Variants in ZCCHC7 observed in about 807,000 individuals in gnomAD.
ZCCHC7 encodes zinc finger CCHC-type containing 7.
ZCCHC7 carries 35 observed loss-of-function variants against 52.0 expected under a neutral mutation model. That is an observed-to-expected ratio of 0.67 (90% CI 0.51 to 0.89). The LOEUF is 0.89. Among genes scored for constraint, ZCCHC7 ranks in the 40% least tolerant of loss-of-function variants. The pLI, the probability that ZCCHC7 is intolerant of heterozygous loss-of-function variation, is 0.00. For synonymous variants in ZCCHC7, 217 were observed against 221.5 expected (o/e 0.98, Z 0.18); for missense variants, 574 against 649.1 (o/e 0.88, Z 1.26).
intron 2 of ZCCHC7, among the ~76,000 whole-genome samples, chr9:37,182,404 G>C (rs955335581): frequency 1.4e-5 from 2 of 147,940 alleles, no homozygotes; most frequent in African/African-American, 5.0e-5. Flanking sequence ...TAGGCTGGAT[G>C]TAGTTTCGCT....
chr9:37,250,336 C>G (rs1395303588), intron 2 of ZCCHC7, among the ~76,000 whole-genome samples: 1 of 134,684 alleles, frequency 7.4e-6, no homozygotes, highest in Non-Finnish European at 1.6e-5. Context: ...AGTTTTTGCT[C>G]TGTTGTCCAG....
intron 2 of ZCCHC7, among the ~76,000 whole-genome samples, chr9:37,244,083 C>G (rs1825984522): frequency 2.0e-5 from 3 of 151,636 alleles, no homozygotes; most frequent in South Asian, 2.1e-4. Flanking sequence ...TCCTAGTGGT[C>G]CTTTGTAATG....
intron 2 of ZCCHC7, among the ~76,000 whole-genome samples, chr9:37,241,306 C>A (rs1332542698): frequency 6.6e-6 from 1 of 151,760 alleles, no homozygotes; most frequent in Non-Finnish European, 1.5e-5. Flanking sequence ...AAAGCTATTT[C>A]TGACTTAAAC....
intron 6 of ZCCHC7, among the ~76,000 whole-genome samples, chr9:37,340,586 G>A (rs1367772935): frequency 6.6e-6 from 1 of 152,118 alleles, no homozygotes. Context: ...ACTGAACTTA[G>A]AGCTAATCAG....
intron 5 of ZCCHC7, among the ~76,000 whole-genome samples, chr9:37,323,094 A>T (rs530915446): frequency 2.6e-5 from 4 of 152,170 alleles, no homozygotes; most frequent in Non-Finnish European, 5.9e-5. Flanking sequence ...AGACACAGAG[A>T]TATATAACTT....
intron 5 of ZCCHC7, among the ~76,000 whole-genome samples, chr9:37,309,866 G>A (rs548154417): frequency 4.6e-5 from 7 of 150,898 alleles, no homozygotes; most frequent in Admixed American, 2.0e-4. Flanking sequence ...AGGTTTCAGT[G>A]AGCCGAGATT....
At chr9:37,273,753 T>A (rs979050687) in intron 2 of ZCCHC7, among the ~76,000 whole-genome samples, 2 of 152,252 alleles carry the variant, frequency 1.3e-5, no homozygotes, top group Non-Finnish European at 2.9e-5. Flanking sequence ...GAACACAGTT[T>A]CAAATGTTTA....
In ZCCHC7 at chr9:37,356,735, A is replaced by T; in HGVS notation, c.1199-100A>T. ...TGATGTCATACTGTTAACATGTTTAAATATCTAGCTTCCCTGTCTGTTAAG... is the reference window on the plus strand; with the variant it reads ...TGATGTCATACTGTTAACATGTTTATATATCTAGCTTCCCTGTCTGTTAAG... On this transcript the variant is annotated intron_variant, in intron 8 of 8. Transcript: ENST00000336755. 2.7e-6 allele frequency: 3 copies of T among 1,125,602 alleles called. No individual in the cohort carries two copies. The East Asian group carries it at 7.5e-5, about 28-fold the overall frequency. The allele number at this position is 1,125,602 out of a possible 1,614,324, so 69.7% of individuals were successfully genotyped here. A position where few individuals can be genotyped will look rare whatever the true frequency, so the allele number is the denominator to read the frequency against.
intron 5 of ZCCHC7, among the ~76,000 whole-genome samples, chr9:37,317,443 G>A (rs1300027720): frequency 6.6e-6 from 1 of 152,178 alleles, no homozygotes; most frequent in Non-Finnish European, 1.5e-5. Context: ...TGGGTGCAGT[G>A]GCACCTGCCT....
chr9:37,283,927 G>A (rs911172752), intron 2 of ZCCHC7, among the ~76,000 whole-genome samples: 2 of 151,684 alleles, frequency 1.3e-5, no homozygotes, highest in African/African-American at 4.8e-5. Context: ...TGGCTGAGCT[G>A]CTTATTTTTT....
rs926593001 is a variant in ZCCHC7, at chr9:37,353,871, A to G, written c.1084-839A>G. ...CATTTTAAAGTAACTTTTAGGCAAGATGGCAGAGGCAGAAAGGGGAAAGTT... is the reference window on the plus strand; with the variant it reads ...CATTTTAAAGTAACTTTTAGGCAAGGTGGCAGAGGCAGAAAGGGGAAAGTT... On this transcript the variant is annotated intron_variant, in intron 7 of 8. Coordinates refer to ENST00000336755, the MANE Select transcript of ZCCHC7 (RefSeq NM_032226.3). Among the ~76,000 whole-genome samples, 8 of 152,334 alleles carry G rather than the reference A, an allele frequency of 5.3e-5. No individual in the cohort carries two copies. In the South Asian group the frequency reaches 1.5e-3, roughly 28 times the overall value.
chr9:37,246,337 T>G (rs1002342594), intron 2 of ZCCHC7, among the ~76,000 whole-genome samples: 1 of 152,070 alleles, frequency 6.6e-6, no homozygotes, highest in Non-Finnish European at 1.5e-5. Context: ...ATATATAGAT[T>G]AGGAAGGTAA....
At chr9:37,307,754 TG>T (rs1483632656) in intron 5 of ZCCHC7, among the ~76,000 whole-genome samples, 2 of 152,178 alleles carry the variant, frequency 1.3e-5, no homozygotes, top group African/African-American at 4.8e-5. Context: ...TATGAGTGTT[TG>T]GTATATATAT....
intron 6 of ZCCHC7, among the ~76,000 whole-genome samples, chr9:37,346,440 C>T (rs887172386): frequency 9.9e-5 from 15 of 152,086 alleles, no homozygotes; most frequent in Non-Finnish European, 1.2e-4. Context: ...CTTTGGGAGG[C>T]GAAGGCAAGC....
chr9:37,144,754 C>CTTT (rs1462330520), intron 2 of ZCCHC7, among the ~76,000 whole-genome samples: 2 of 151,924 alleles, frequency 1.3e-5, no homozygotes, highest in African/African-American at 4.8e-5. Flanking sequence ...TTGTAAGGTA[C>CTTT]AGACTTCAAG....
intron 2 of ZCCHC7, among the ~76,000 whole-genome samples, chr9:37,151,567 G>T (rs1820531319): frequency 1.3e-5 from 2 of 152,098 alleles, no homozygotes; most frequent in Non-Finnish European, 2.9e-5. Context: ...CACTTTGGGA[G>T]CCTGAGGCAG....
At chr9:37,228,475 T>G (rs1460408065) in intron 2 of ZCCHC7, among the ~76,000 whole-genome samples, 1 of 151,842 alleles carries the variant, frequency 6.6e-6, no homozygotes, top group Non-Finnish European at 1.5e-5. Context: ...CTCGAACTCC[T>G]AGGCTCAAGT....
intron 2 of ZCCHC7, among the ~76,000 whole-genome samples, chr9:37,239,045 T>G (rs556140226): frequency 6.6e-6 from 1 of 152,090 alleles, no homozygotes; most frequent in South Asian, 2.1e-4. Context: ...TAAATTGGAG[T>G]CATCAGTGTT....
At chr9:37,130,498 T>C (rs1842735801) in intron 2 of ZCCHC7, among the ~76,000 whole-genome samples, 2 of 148,380 alleles carry the variant, frequency 1.3e-5, no homozygotes, top group East Asian at 3.9e-4. Context: ...CTCAATTTTT[T>C]TTTTTTTTTT....
Sources: allele counts gnomAD v4.1 joint callset (sites outside exome capture counted in the v4.1 genomes callset), GRCh38; gene constraint gnomAD v4.1.1; transcripts MANE v1.5; gene names NCBI Gene and HGNC (gene_info 2026-07-23, HGNC 2026-07-21).